The following FAM32A variants were observed in gnomAD, a reference collection of about 807,000 sequenced individuals.
FAM32A encodes family with sequence similarity 32 member A.
In FAM32A, 9 loss-of-function variants were observed where a neutral mutation model predicts 15.8. The ratio of observed to expected loss-of-function variants is 0.57; its 90% confidence interval spans 0.34 to 1.00. The LOEUF (loss-of-function observed/expected upper bound fraction) is 1.00, where lower values mean the gene tolerates loss of function less well. Ranked by LOEUF, FAM32A falls within the 50% of genes least tolerant of loss-of-function variation. FAM32A has a pLI of 0.02. For missense variants in FAM32A, 113 were observed against 138.3 expected, an observed-to-expected ratio of 0.82 and a Z score of 0.92; for synonymous variants, 64 against 54.9, an observed-to-expected ratio of 1.16 and a Z score of -0.73.
chr19:16,187,717 C>G (rs1449320191), intron 2 of FAM32A, among the ~76,000 whole-genome samples: 1 of 151,976 alleles, frequency 6.6e-6, no homozygotes, highest in Admixed American at 6.6e-5. Flanking sequence ...TCCCAAATTG[C>G]TGGGATTACA....
At chr19:16,189,701 GTCTC>G (rs973278506) in intron 2 of FAM32A, among the ~76,000 whole-genome samples, 1 of 74,836 alleles carries the variant, frequency 1.3e-5, no homozygotes, top group Non-Finnish European at 2.7e-5. Flanking sequence ...TTTTGACAGG[GTCTC>G]TCTCTCTGTC....
At chr19:16,190,779 G>A (rs2091402787) in intron 3 of FAM32A, 108 bp from the exon 4 acceptor site, 1 of 1,003,510 alleles carries the variant, frequency 1.0e-6, no homozygotes. Flanking sequence ...GAGAGGAGGG[G>A]GCTCAGGAGA....
intron 2 of FAM32A, among the ~76,000 whole-genome samples, chr19:16,189,795 C>T (rs2091399194): frequency 6.6e-6 from 1 of 150,892 alleles, no homozygotes; most frequent in African/African-American, 2.4e-5. Context: ...CTCACCCCAG[C>T]CTCTTGAGTA....
intron 2 of FAM32A, chr19:16,189,334 C>T (rs1222605948): frequency 1.3e-5 from 2 of 152,270 alleles, no homozygotes; most frequent in Non-Finnish European, 2.9e-5. Flanking sequence ...CTCAGTGCTT[C>T]TTTCGTGGCC....
chr19:16,188,116 G>A (rs2091392813), intron 2 of FAM32A, among the ~76,000 whole-genome samples: 1 of 152,196 alleles, frequency 6.6e-6, no homozygotes, highest in Non-Finnish European at 1.5e-5. Context: ...TTTATTGCTG[G>A]AAGCCAGAAT....
intron 2 of FAM32A, chr19:16,189,378 T>C (rs918627585): frequency 2.6e-5 from 4 of 152,440 alleles, no homozygotes; most frequent in African/African-American, 9.6e-5. Context: ...TCCAGGTCCT[T>C]TCTTTCCAGC....
At position 16,190,863 on chromosome 19, in the gene FAM32A, C is replaced by T. The variant is rs187684892; in HGVS notation, c.271-24C>T. On this transcript the variant is annotated intron_variant, in intron 3 of 3. Coordinates refer to ENST00000263384, the MANE Select transcript of FAM32A (RefSeq NM_014077.4). Reference sequence around the variant, plus strand: ...ACCCCACTTGGGTCTGCGCTGACACCGGCCTTCTACTCCACCTCCCCAGGA... The same window carrying T: ...ACCCCACTTGGGTCTGCGCTGACACTGGCCTTCTACTCCACCTCCCCAGGA... The T allele has an allele frequency of 6.2e-5, 99 of 1,607,546 alleles. No homozygotes were observed. In the Admixed American group the frequency reaches 1.2e-3, roughly 19 times the overall value.
rs2091383419 is a variant in FAM32A, at chr19:16,185,781, A to C, written c.216+16A>C. 6.5e-7 allele frequency: 1 copy of C among 1,545,554 alleles called. No individual in the cohort carries two copies. On this transcript the variant is annotated intron_variant, in intron 2 of 3. Coordinates refer to ENST00000263384, the MANE Select transcript of FAM32A (RefSeq NM_014077.4). ...GGAGAAGCGGGTGAGCAGAAGCAGA[A>C]GGCGGCGGGGAGGCGGGAACACCCG...
intron 2 of FAM32A, among the ~76,000 whole-genome samples, chr19:16,190,126 A>C (rs1431989072): frequency 1.3e-5 from 2 of 152,130 alleles, no homozygotes; most frequent in African/African-American, 4.8e-5. Context: ...GGGAAGTGTC[A>C]CTTGAGCACC....
In FAM32A at chr19:16,190,555, C is replaced by G. The variant is rs749411851; in HGVS notation, c.252C>G (p.Thr84=). ...MERILKKASK[T]HKQRVEDFNR... ...GGATCCTAAAGAAGGCATCCAAAAC[C>G]CACAAGCAGAGAGTGGAGGTGAGTC... The change falls in exon 3 of 4, where the codon ACC becomes ACG. Residue 84 remains threonine (T), a synonymous_variant. Transcript: ENST00000263384. 2.5e-6 allele frequency: 4 copies of G among 1,613,298 alleles called. No homozygotes were observed. The highest frequency in any genetic ancestry group is 4.5e-5 in the East Asian group (2 of 44,884).
chr19:16,190,976 G>A lies in FAM32A; in HGVS notation c.*21G>A, dbSNP rs1183019253. On this transcript the variant is annotated 3_prime_UTR_variant, in exon 4 of 4. Transcript: ENST00000263384. ...AGTAGCCGCCTGCCCCCAGTATGGA[G>A]CAGCATCGAGGGTTCGCAAAAGGCC... The A allele has an allele frequency of 1.9e-6, 3 of 1,606,084 alleles. No homozygotes were observed. In the African/African-American group the frequency reaches 4.0e-5, roughly 21 times the overall value.
In FAM32A at chr19:16,191,623, G is replaced by A; in HGVS notation, c.*668G>A. 6.5e-6 allele frequency: 1 copy of A among 152,974 alleles called. No individual in the cohort carries two copies. Among genetic ancestry groups the A allele is most frequent in the South Asian group, 2.1e-4 (1 of 4,856 alleles). 9.5% of individuals were successfully genotyped at this position (152,974 alleles called of 1,614,324 possible). A position where few individuals can be genotyped will look rare whatever the true frequency, so the allele number is the denominator to read the frequency against. ...GGTGCTTCTAATGGGTGTTGCCATA[G>A]CAGACGCTGCTAATGCATCACAGCA... On this transcript the variant is annotated 3_prime_UTR_variant, in exon 4 of 4. Coordinates refer to ENST00000263384, the MANE Select transcript of FAM32A (RefSeq NM_014077.4).
Position 16,190,991 on chromosome 19 carries a change from C to A in FAM32A, c.*36C>A. 6.6e-7 allele frequency: 1 copy of A among 1,514,650 alleles called. No individual in the cohort carries two copies. The highest frequency in any genetic ancestry group is 9.2e-7 in the Non-Finnish European group (1 of 1,089,478). 93.8% of individuals were successfully genotyped at this position (1,514,650 alleles called of 1,614,324 possible). Reference sequence around the variant, plus strand: ...CCAGTATGGAGCAGCATCGAGGGTTCGCAAAAGGCCACACTGGGGTTGTGT... The same window carrying A: ...CCAGTATGGAGCAGCATCGAGGGTTAGCAAAAGGCCACACTGGGGTTGTGT... On this transcript the variant is annotated 3_prime_UTR_variant, in exon 4 of 4. Coordinates refer to ENST00000263384, the MANE Select transcript of FAM32A (RefSeq NM_014077.4).
chr19:16,185,636 G>C lies in FAM32A; in HGVS notation c.87G>C (p.Lys29Asn). 6.3e-7 allele frequency: 1 copy of C among 1,599,630 alleles called. No homozygotes were observed. Among genetic ancestry groups the C allele is most frequent in the Non-Finnish European group, 8.5e-7 (1 of 1,172,760 alleles). Reference protein sequence around the residue: ...ELGVTKRKKKKKDKDKAKLLE... With the variant: ...ELGVTKRKKKNKDKDKAKLLE... ...TGTCTTTTTCCAGGAAGAAGAAAAAGAAGGACAAAGACAAAGCGAAACTCC... is the reference window on the plus strand; with the variant it reads ...TGTCTTTTTCCAGGAAGAAGAAAAACAAGGACAAAGACAAAGCGAAACTCC... The change falls in exon 2 of 4, where the codon AAG (lysine) becomes AAC (asparagine). Residue 29 changes from lysine (K) to asparagine (N), a missense_variant. This residue lies in a region of FAM32A where 112 missense variants were observed against 118.6 expected (regional missense o/e 0.94). Transcript: ENST00000263384.
chr19:16,188,356 G>A (rs919366612), intron 2 of FAM32A, among the ~76,000 whole-genome samples: 2 of 152,196 alleles, frequency 1.3e-5, no homozygotes, highest in African/African-American at 4.8e-5. Context: ...ACTGGGGTGG[G>A]AAGGATTGCA....
intron 2 of FAM32A, 87 bp downstream of exon 2, chr19:16,185,852 G>A (rs1376828193): frequency 1.4e-6 from 2 of 1,438,872 alleles, no homozygotes; most frequent in Admixed American, 2.6e-5. Context: ...ACGCTCCGAG[G>A]GCAGGGGAGC....
chr19:16,191,405 C>G lies in FAM32A; in HGVS notation c.*450C>G, dbSNP rs1599446033. On this transcript the variant is annotated 3_prime_UTR_variant, in exon 4 of 4. Coordinates refer to ENST00000263384, the MANE Select transcript of FAM32A (RefSeq NM_014077.4). ...GCGTGGGCGCCCTTCCAAGCTTCCT[C>G]TAGCTTTGGGCCTATGCTGTCCCCT... 1 of 188,538 alleles carries G rather than the reference C, an allele frequency of 5.3e-6. No homozygotes were observed. Among genetic ancestry groups the G allele is most frequent in the East Asian group, 1.5e-4 (1 of 6,686 alleles). The allele number at this position is 188,538 out of a possible 1,614,324, so 11.7% of individuals were successfully genotyped here.
chr19:16,191,069 C>A lies in FAM32A; in HGVS notation c.*114C>A. On this transcript the variant is annotated 3_prime_UTR_variant, in exon 4 of 4. Coordinates refer to ENST00000263384, the MANE Select transcript of FAM32A (RefSeq NM_014077.4). ...ATGGCTACACACACCCTTGCATCTT[C>A]TGCTACAGACTGCTTTTCGAAGCTG... The A allele has an allele frequency of 1.3e-6, 1 of 780,606 alleles. No homozygotes were observed. 48.4% of individuals were successfully genotyped at this position (780,606 alleles called of 1,614,324 possible). A position where few individuals can be genotyped will look rare whatever the true frequency, so the allele number is the denominator to read the frequency against.
In FAM32A at chr19:16,191,506, A is replaced by G. The variant is rs2091407160; in HGVS notation, c.*551A>G. 1.3e-5 allele frequency: 2 copies of G among 155,956 alleles called. No homozygotes were observed. The highest frequency in any genetic ancestry group is 4.8e-5 in the African/African-American group (2 of 41,476). The allele number at this position is 155,956 out of a possible 1,614,324, so 9.7% of individuals were successfully genotyped here. A position where few individuals can be genotyped will look rare whatever the true frequency, so the allele number is the denominator to read the frequency against. On this transcript the variant is annotated 3_prime_UTR_variant, in exon 4 of 4. Coordinates refer to ENST00000263384, the MANE Select transcript of FAM32A (RefSeq NM_014077.4). ...TCAGCCACCTGGCCACTGAGACAGC[A>G]TAGCCTGGGTAACGGAACAGCCACC...
Sources: gnomAD v4.1 joint callset for allele counts (sites outside exome capture counted in the v4.1 genomes callset) on GRCh38, gnomAD v4.1.1 for gene constraint, gnomAD v4.1.1 regional missense constraint, MANE v1.5 for transcripts, NCBI Gene and HGNC (gene_info 2026-07-23, HGNC 2026-07-21) for gene names.